ZNF728: variants seen among roughly 807,000 people sequenced by gnomAD.
ZNF728 encodes zinc finger protein 728.
ZNF728 carries 12 observed loss-of-function variants against 12.5 expected under a neutral mutation model. That is an observed-to-expected ratio of 0.96 (90% CI 0.61 to 1.55). The LOEUF is 1.55. Among genes scored for constraint, ZNF728 ranks in the 40% most tolerant of loss-of-function variants. The pLI is 0.00. For missense variants in ZNF728, 692 were observed against 719.2 expected, an observed-to-expected ratio of 0.96 and a Z score of 0.43; for synonymous variants, 205 against 240.7, an observed-to-expected ratio of 0.85 and a Z score of 1.37.
intron 3 of ZNF728, among the ~76,000 whole-genome samples, chr19:22,980,865 A>G (rs1968854129): frequency 6.6e-6 from 1 of 152,186 alleles, no homozygotes; most frequent in South Asian, 2.1e-4. Context: ...TCTGGGACAC[A>G]GACAAAGCAG....
chr19:22,974,997 A>T lies in ZNF728; in HGVS notation c.*471T>A, dbSNP rs289320. On this transcript the variant is annotated 3_prime_UTR_variant, in exon 4 of 4. Transcript: ENST00000594710. ...TTCTAGTAGTTTTCTCCAGTATGAGATATCTTACCTACAATCAAGTGTGAC... is the reference window on the plus strand; with the variant it reads ...TTCTAGTAGTTTTCTCCAGTATGAGTTATCTTACCTACAATCAAGTGTGAC... 0.73 allele frequency among the ~76,000 whole-genome samples: 111,735 copies of T among 152,160 alleles called. 41,851 individuals are homozygous for T. The highest frequency in any genetic ancestry group is 0.83 in the Admixed American group (12,635 of 15,282).
rs750996265 is a variant in ZNF728 at position 22,975,851 on chromosome 19, T to C, written c.1486A>G (p.Met496Val). Residue 496 changes from methionine to valine, a missense_variant, in exon 4 of 4, where the codon ATG (methionine) becomes GTG (valine). This residue lies in a region of ZNF728 where 244 missense variants were observed against 235.2 expected (regional missense o/e 1.04). Coordinates refer to ENST00000594710, the MANE Select transcript of ZNF728 (RefSeq NM_001267716.2). Reference sequence around the variant, plus strand: ...CCAGTATGAATTCTCTTATGTTCCATAAGGTTTGAGGACCACTTAAAGGCT... The same window carrying C: ...CCAGTATGAATTCTCTTATGTTCCACAAGGTTTGAGGACCACTTAAAGGCT... Reference protein sequence around the residue: ...GKAFKWSSNLMEHKRIHTGEK... With the variant: ...GKAFKWSSNLVEHKRIHTGEK... 6 of 1,612,384 alleles carry C rather than the reference T, an allele frequency of 3.7e-6. No homozygotes were observed. In the African/African-American group the frequency reaches 6.7e-5, roughly 18 times the overall value.
intron 1 of ZNF728, among the ~76,000 whole-genome samples, chr19:22,998,951 T>A (rs761070454): frequency 2.0e-5 from 3 of 152,312 alleles, no homozygotes; most frequent in Non-Finnish European, 4.4e-5. Flanking sequence ...GTGGTCAACA[T>A]AAAATACTTC....
Position 22,976,439 on chromosome 19 carries a change from T to G in ZNF728, c.898A>C (p.Thr300Pro). 1 of 1,613,228 alleles carries G rather than the reference T, an allele frequency of 6.2e-7. No individual in the cohort carries two copies. Among genetic ancestry groups the G allele is most frequent in the African/African-American group, 1.3e-5 (1 of 75,034 alleles). ...CCAGCATGAATTGTCTTATGTGCAG[T>G]AAGGGTTGAGGCCTTACTAAAGGCT... ...GKAFSKASTL[T>P]AHKTIHAGEK... Residue 300 changes from threonine (T) to proline (P), a missense_variant, in exon 4 of 4, where the codon ACT becomes CCT. By Grantham distance (38) the Thr-to-Pro change is conservative (BLOSUM62 -1). Coordinates refer to ENST00000594710, the MANE Select transcript of ZNF728 (RefSeq NM_001267716.2).
rs1243892851 is a variant in ZNF728 at position 22,975,743 on chromosome 19, C to T, written c.1594G>A (p.Gly532Arg). ...TCTTCACATTTGTATTGTTTCTCTC[C>T]AGTATGAATTACCTTATGTTTAGTA... is the stretch of plus-strand genomic sequence containing the variant. ...NLTKHKVIHT[G>R]EKQYKCEECG... The change falls in exon 4 of 4, where the codon GGA becomes AGA. Residue 532 changes from glycine to arginine, a missense_variant. This residue lies in a region of ZNF728 where 244 missense variants were observed against 235.2 expected (regional missense o/e 1.04). Coordinates refer to ENST00000594710, the MANE Select transcript of ZNF728 (RefSeq NM_001267716.2). The T allele has an allele frequency of 1.2e-6, 2 of 1,611,720 alleles. No individual in the cohort carries two copies. Among genetic ancestry groups the T allele is most frequent in the African/African-American group, 1.3e-5 (1 of 74,974 alleles).
Position 22,999,855 on chromosome 19 carries a change from A to G in ZNF728, c.3+3173T>C, listed in dbSNP as rs1289910647. 2.6e-5 allele frequency among the ~76,000 whole-genome samples: 4 copies of G among 152,240 alleles called. No homozygotes were observed. The East Asian group carries it at 7.7e-4, about 29-fold the overall frequency. ...CTCAGAAATTGAAATAACAGGATAT[A>G]GAACAAAGATATTTACTTTAGCAAG... On this transcript the variant is annotated intron_variant, in intron 1 of 3. Transcript: ENST00000594710.
chr19:22,982,905 A>G (rs1016754043), intron 3 of ZNF728, among the ~76,000 whole-genome samples: 3 of 152,114 alleles, frequency 2.0e-5, no homozygotes, highest in African/African-American at 7.2e-5. Flanking sequence ...AACCATAAAA[A>G]CCCTAGAAGA....
At chr19:22,995,585 G>A (rs956242769) in intron 1 of ZNF728, among the ~76,000 whole-genome samples, 7 of 152,056 alleles carry the variant, frequency 4.6e-5, no homozygotes, top group Non-Finnish European at 5.9e-5. Context: ...CTATAGGCAC[G>A]CGCCACCACA....
chr19:22,999,981 G>T (rs192013560), intron 1 of ZNF728, among the ~76,000 whole-genome samples: 1 of 152,046 alleles, frequency 6.6e-6, no homozygotes, highest in Non-Finnish European at 1.5e-5. Context: ...CTCTACAGCC[G>T]AAATGGAAGA....
chr19:22,979,269 T>C (rs903595673), intron 3 of ZNF728, among the ~76,000 whole-genome samples: 1 of 152,012 alleles, frequency 6.6e-6, no homozygotes, highest in Non-Finnish European at 1.5e-5. Flanking sequence ...TATCAGAGAC[T>C]GAAGATCAAC....
In ZNF728 at chr19:22,991,630, G is replaced by A. The variant is rs530632723; in HGVS notation, c.4-3179C>T. On this transcript the variant is annotated intron_variant, in intron 1 of 3. Transcript: ENST00000594710. ...CTACAATACATACTTTATATTTCCC[G>A]TTATCTGCTTTTGGGTTTCAGAAAA... Among the ~76,000 whole-genome samples the A allele has an allele frequency of 9.9e-5, 15 of 152,180 alleles. No individual in the cohort carries two copies. In the South Asian group the frequency reaches 2.5e-3, roughly 25 times the overall value.
chr19:23,001,231 T>C (rs1969110827), intron 1 of ZNF728, among the ~76,000 whole-genome samples: 1 of 152,214 alleles, frequency 6.6e-6, no homozygotes, highest in Non-Finnish European at 1.5e-5. Context: ...ATTATTTTGG[T>C]TTCCCCTTCA....
intron 1 of ZNF728, among the ~76,000 whole-genome samples, chr19:22,996,370 A>G (rs904706929): frequency 2.0e-5 from 3 of 152,346 alleles, no homozygotes; most frequent in Admixed American, 1.3e-4. Flanking sequence ...TAACCCAAGT[A>G]CAACAGACTC....
intron 3 of ZNF728, among the ~76,000 whole-genome samples, chr19:22,985,011 A>G (rs1968900727): frequency 6.6e-6 from 1 of 152,166 alleles, no homozygotes; most frequent in Admixed American, 6.5e-5. Context: ...TCATTTACAT[A>G]GCAATAATTA....
At chr19:23,002,615 C>T (rs576164053) in intron 1 of ZNF728, among the ~76,000 whole-genome samples, 1 of 152,156 alleles carries the variant, frequency 6.6e-6, no homozygotes, top group African/African-American at 2.4e-5. Flanking sequence ...AATATTTGTG[C>T]GGTGACTTCT....
At chr19:22,998,762 T>G (rs1342906255) in intron 1 of ZNF728, among the ~76,000 whole-genome samples, 1 of 152,166 alleles carries the variant, frequency 6.6e-6, no homozygotes, top group Non-Finnish European at 1.5e-5. Flanking sequence ...AGATAATAAA[T>G]AGCTGTGATT....
chr19:22,999,846 A>C (rs1394239517), intron 1 of ZNF728, among the ~76,000 whole-genome samples: 1 of 152,232 alleles, frequency 6.6e-6, no homozygotes, highest in Non-Finnish European at 1.5e-5. Context: ...AATTGAAATA[A>C]CAGGATATAG....
chr19:22,976,966 T>C lies in ZNF728; in HGVS notation c.371A>G (p.Lys124Arg). 1 of 1,613,484 alleles carries C rather than the reference T, an allele frequency of 6.2e-7. No homozygotes were observed. The highest frequency in any genetic ancestry group is 8.5e-7 in the Non-Finnish European group (1 of 1,179,724). ...KIGCTNVDEC[K>R]VHKKGYNKLN... ...CTTATTATAACCTTTTTTGTGCACC[T>C]TACACTCATCCACATTGGTACAACC... The change falls in exon 4 of 4, where the codon AAG becomes AGG. Residue 124 changes from lysine (K) to arginine (R), a missense_variant. Coordinates refer to ENST00000594710, the MANE Select transcript of ZNF728 (RefSeq NM_001267716.2).
chr19:23,002,605 A>C (rs1305902563), intron 1 of ZNF728, among the ~76,000 whole-genome samples: 3 of 152,180 alleles, frequency 2.0e-5, no homozygotes, highest in Non-Finnish European at 2.9e-5. Context: ...TAAATTATTT[A>C]ATATTTGTGC....
Sources: gnomAD v4.1 joint callset for allele counts (sites outside exome capture counted in the v4.1 genomes callset) on GRCh38, gnomAD v4.1.1 for gene constraint, gnomAD v4.1.1 regional missense constraint, MANE v1.5 for transcripts, NCBI Gene and HGNC (gene_info 2026-07-23, HGNC 2026-07-21) for gene names.